Variants in KLHDC1 observed in about 807,000 individuals in gnomAD.
The protein encoded by KLHDC1 is kelch domain containing 1.
Under a neutral mutation model 68.3 loss-of-function variants are expected in KLHDC1, and 53 were observed. The observed-to-expected ratio is 0.78, with a 90% CI of 0.62 to 0.98. KLHDC1 has a LOEUF of 0.98. Among genes scored for constraint, KLHDC1 ranks in the 50% least tolerant of loss-of-function variants. KLHDC1 has a pLI of 0.00. For missense variants in KLHDC1, 470 were observed against 492.3 expected, an observed-to-expected ratio of 0.95 and a Z score of 0.43; for synonymous variants, 148 against 159.0, an observed-to-expected ratio of 0.93 and a Z score of 0.52.
At chr14:49,745,834 T>C (rs1889186409) in intron 12 of KLHDC1, among the ~76,000 whole-genome samples, 1 of 152,192 alleles carries the variant, frequency 6.6e-6, no homozygotes, top group South Asian at 2.1e-4. Context: ...GAACTTTATC[T>C]CTCTTTTACA....
intron 10 of KLHDC1, among the ~76,000 whole-genome samples, chr14:49,738,139 T>A (rs532605700): frequency 1.6e-4 from 25 of 152,010 alleles, no homozygotes; most frequent in Non-Finnish European, 3.2e-4. Flanking sequence ...GCGATCCTCC[T>A]GCCTCAGCCT....
At position 49,709,843 on chromosome 14, in the gene KLHDC1, T is replaced by C. The variant is rs754678218; in HGVS notation, c.285+17T>C. On this transcript the variant is annotated intron_variant, in intron 3 of 12. Transcript: ENST00000359332. ...AGCAATCGAGTAATAATTTCTTTAA[T>C]TCAAGAGTGCAGCAAAATGTAATAT... 10 of 1,322,530 alleles carry C rather than the reference T, an allele frequency of 7.6e-6. No homozygotes were observed. Among genetic ancestry groups the C allele is most frequent in the Admixed American group, 2.1e-5 (1 of 47,512 alleles). 81.9% of individuals were successfully genotyped at this position (1,322,530 alleles called of 1,614,324 possible). A position where few individuals can be genotyped will look rare whatever the true frequency, so the allele number is the denominator to read the frequency against.
chr14:49,732,763 C>T lies in KLHDC1; in HGVS notation c.770C>T (p.Ala257Val). Residue 257 changes from alanine (A) to valine (V), a missense_variant, in exon 9 of 13, where the codon GCT (alanine) becomes GTT (valine). Physicochemically the swap from Ala to Val is moderately conservative, Grantham distance 64. Transcript: ENST00000359332. ...HRSWHTLTPIADDKLFLCGGL... is the reference protein window; with the variant it reads ...HRSWHTLTPIVDDKLFLCGGL... ...TCATGGCATACTTTAACACCTATAG[C>T]TGATGATAAACTTTTCCTATGTGGT... 6.2e-7 allele frequency: 1 copy of T among 1,610,222 alleles called. No homozygotes were observed. The highest frequency in any genetic ancestry group is 8.5e-7 in the Non-Finnish European group (1 of 1,176,652).
chr14:49,695,116 A>ATGTGTG (rs71115393), intron 1 of KLHDC1, among the ~76,000 whole-genome samples: 8,101 of 142,038 alleles, frequency 0.057, 253 homozygotes, highest in East Asian at 0.087. Flanking sequence ...TGCAGTTTTG[A>ATGTGTG]TGTGTGTGTG....
chr14:49,721,083 A>G (rs1193276602), intron 4 of KLHDC1, among the ~76,000 whole-genome samples: 1 of 152,094 alleles, frequency 6.6e-6, no homozygotes, highest in Non-Finnish European at 1.5e-5. Context: ...GCCCTGTCTG[A>G]TAATTCCATT....
rs1010807346 is a variant in KLHDC1 at position 49,725,742 on chromosome 14, A to G, written c.540A>G (p.Thr180=). The G allele has an allele frequency of 1.3e-6, 2 of 1,580,894 alleles. No homozygotes were observed. Among genetic ancestry groups the G allele is most frequent in the Admixed American group, 1.7e-5 (1 of 57,522 alleles). ...HNDVHIFDTK[T]QTWFQPEIKG... ...ATGTCCACATATTTGACACAAAGAC[A>G]CAGACTTGGTTTCAACCAGAAATTA... is the stretch of plus-strand genomic sequence containing the variant. The change falls in exon 6 of 13, where the codon ACA becomes ACG. Residue 180 remains threonine, a synonymous_variant. Coordinates refer to ENST00000359332, the MANE Select transcript of KLHDC1 (RefSeq NM_172193.3).
At chr14:49,708,464 C>T (rs1282486584) in intron 1 of KLHDC1, 1 of 152,064 alleles carries the variant, frequency 6.6e-6, no homozygotes, top group East Asian at 1.9e-4. Flanking sequence ...TATTTTAACT[C>T]CTAAGCTTGT....
At chr14:49,710,152 G>A in intron 3 of KLHDC1, 111 bp from the exon 4 acceptor site, 1 of 609,474 alleles carries the variant, frequency 1.6e-6, no homozygotes, top group Non-Finnish European at 2.9e-6. Flanking sequence ...TAGGTAACAA[G>A]CTTACCTATT....
chr14:49,732,352 T>C (rs949070142), intron 8 of KLHDC1, among the ~76,000 whole-genome samples: 1 of 152,064 alleles, frequency 6.6e-6, no homozygotes, highest in Non-Finnish European at 1.5e-5. Flanking sequence ...TTTTGTATTT[T>C]AGTAGAGATG....
At chr14:49,716,887 C>T (rs961502144) in intron 4 of KLHDC1, among the ~76,000 whole-genome samples, 1 of 152,146 alleles carries the variant, frequency 6.6e-6, no homozygotes, top group East Asian at 1.9e-4. Flanking sequence ...CCCTTCTTTC[C>T]AACCCCTGGT....
Position 49,709,724 on chromosome 14 carries a change from G to A in KLHDC1, c.183G>A (p.Met61Ile). 6.3e-7 allele frequency: 1 copy of A among 1,592,846 alleles called. No individual in the cohort carries two copies. The highest frequency in any genetic ancestry group is 8.5e-7 in the Non-Finnish European group (1 of 1,170,808). ...CTTGCTGCAGGAGAATGCACCTCAT[G>A]GAAGGAGAACTCCCAGCCTCCATGT... ...IDSGLWRMHL[M>I]EGELPASMSG... is the part of the protein sequence containing the mutation. Residue 61 changes from methionine (M) to isoleucine (I), a missense_variant, in exon 3 of 13, where the codon ATG becomes ATA. Physicochemically the swap from Met to Ile is conservative, Grantham distance 10. Coordinates refer to ENST00000359332, the MANE Select transcript of KLHDC1 (RefSeq NM_172193.3).
chr14:49,713,875 C>A (rs1358927378), intron 4 of KLHDC1, among the ~76,000 whole-genome samples: 2 of 71,622 alleles, frequency 2.8e-5, no homozygotes, highest in African/African-American at 4.9e-5. Flanking sequence ...TTTCCTGAGA[C>A]AGAGTCTCAC....
Position 49,709,793 on chromosome 14 carries a change from T to C in KLHDC1, c.252T>C (p.Phe84=), listed in dbSNP as rs1888151889. The C allele has an allele frequency of 1.9e-6, 3 of 1,601,020 alleles. No homozygotes were observed. Among genetic ancestry groups the C allele is most frequent in the African/African-American group, 2.7e-5 (2 of 73,992 alleles). ...GACINGKLYI[F]GGYDDKGYSN... ...GCATTAATGGAAAGCTGTACATTTT[T>C]GGAGGATATGATGACAAAGGATACA... The change falls in exon 3 of 13, where the codon TTT becomes TTC. Residue 84 remains phenylalanine, a synonymous_variant. Coordinates refer to ENST00000359332, the MANE Select transcript of KLHDC1 (RefSeq NM_172193.3).
chr14:49,744,292 ATGTGTGTGTGTGTG>A (rs36219162), intron 12 of KLHDC1, among the ~76,000 whole-genome samples: 28 of 150,232 alleles, frequency 1.9e-4, no homozygotes, highest in South Asian at 2.1e-4. Flanking sequence ...GCCTGTATAT[ATGTGTGTGTGTGTG>A]TGTGTGTGTG....
At chr14:49,713,835 TATA>T (rs1566602951) in intron 4 of KLHDC1, among the ~76,000 whole-genome samples, 451 of 9,868 alleles carry the variant, frequency 0.046, 104 homozygotes, top group Middle Eastern at 0.071. Context: ...TATATATATA[TATA>T]TATATATATA....
chr14:49,693,807 G>T (rs1333954935), intron 1 of KLHDC1, among the ~76,000 whole-genome samples: 1 of 129,278 alleles, frequency 7.7e-6, no homozygotes, highest in Non-Finnish European at 1.6e-5. Flanking sequence ...GGAGTGCAAT[G>T]GAACGATCTC....
In KLHDC1 at chr14:49,732,817, G is replaced by A; in HGVS notation, c.823+1G>A. On this transcript the variant is annotated splice_donor_variant, in intron 9 of 12. Coordinates refer to ENST00000359332, the MANE Select transcript of KLHDC1 (RefSeq NM_172193.3). LOFTEE classifies it high-confidence loss of function. Reference sequence around the variant, plus strand: ...CTAAGTGCAGATAATATCCCATTAAGTAAGTTGATTAAGGTTTAGCCTATA... The same window carrying A: ...CTAAGTGCAGATAATATCCCATTAAATAAGTTGATTAAGGTTTAGCCTATA... 2.2e-6 allele frequency: 3 copies of A among 1,353,892 alleles called. No individual in the cohort carries two copies. Among genetic ancestry groups the A allele is most frequent in the Non-Finnish European group, 2.1e-6 (2 of 945,412 alleles). The allele number at this position is 1,353,892 out of a possible 1,614,324, so 83.9% of individuals were successfully genotyped here.
intron 10 of KLHDC1, among the ~76,000 whole-genome samples, chr14:49,738,755 G>A (rs951518116): frequency 6.6e-6 from 1 of 152,196 alleles, no homozygotes; most frequent in African/African-American, 2.4e-5. Context: ...GGTTCCCATG[G>A]TGTGCTGTTA....
In KLHDC1 at chr14:49,747,042, GT is replaced by G. The variant is rs1276939123; in HGVS notation, c.1034+3239del. 3.3e-5 allele frequency among the ~76,000 whole-genome samples: 5 copies of G among 151,440 alleles called. No homozygotes were observed. The East Asian group carries it at 9.7e-4, about 29-fold the overall frequency. On this transcript the variant is annotated intron_variant, in intron 12 of 12. Coordinates refer to ENST00000359332, the MANE Select transcript of KLHDC1 (RefSeq NM_172193.3). ...GCTCACTGCAAGCTCCACCTCCCGG[GT>G]TCACGCCATTCTCCTGCCTCAGCCT...
Sources: allele counts gnomAD v4.1 joint callset (sites outside exome capture counted in the v4.1 genomes callset), GRCh38; gene constraint gnomAD v4.1.1; transcripts MANE v1.5; gene names NCBI Gene and HGNC (gene_info 2026-07-23, HGNC 2026-07-21).